The following LRRC49 variants were observed in gnomAD, a reference collection of about 807,000 sequenced individuals.
LRRC49 encodes the protein leucine rich repeat containing 49, also known as leucine-rich repeat-containing protein 49.
In LRRC49, 50 loss-of-function variants were observed where a neutral mutation model predicts 83.3. The observed-to-expected ratio is 0.60, with a 90% CI of 0.48 to 0.76. The LOEUF (loss-of-function observed/expected upper bound fraction) is 0.76. LRRC49 is among the 30% of genes least tolerant of loss of function. The probability of loss-of-function intolerance (pLI) is 0.00; values close to 1 mark genes in which losing one functional copy is unlikely to be tolerated. For missense variants in LRRC49, 704 were observed against 809.1 expected, an observed-to-expected ratio of 0.87 and a Z score of 1.58; for synonymous variants, 286 against 283.3, an observed-to-expected ratio of 1.01 and a Z score of -0.10.
At chr15:70,857,394 G>T (rs1041763051) in intron 1 of LRRC49, among the ~76,000 whole-genome samples, 1 of 152,162 alleles carries the variant, frequency 6.6e-6, no homozygotes, top group Admixed American at 6.5e-5. Context: ...TACTCGGGAG[G>T]CTGAGGCAGG....
At position 70,857,502 on chromosome 15, in the gene LRRC49, GA is replaced by G. The variant is rs111574256; in HGVS notation, c.-299+4042del. On this transcript the variant is annotated intron_variant, in intron 1 of 16. Coordinates refer to the LRRC49 transcript ENST00000544974. ...CAGAGACCCCATCTTCAAATTAAAG[GA>G]AAAAAAAAGGGGTCTGTTTTAACTG... is the stretch of plus-strand genomic sequence containing the variant. Among the ~76,000 whole-genome samples, 453 of 149,548 alleles carry G rather than the reference GA, an allele frequency of 3.0e-3. 1 individual carries two copies. The highest frequency in any genetic ancestry group is 6.9e-3 in the Middle Eastern group (2 of 288).
chr15:71,042,223 A>G (rs527687521), intron 15 of LRRC49, among the ~76,000 whole-genome samples: 1 of 152,308 alleles, frequency 6.6e-6, no homozygotes, highest in South Asian at 2.1e-4. Context: ...TCCTGGGCTC[A>G]AGAAATCCTC....
In LRRC49 at chr15:70,875,745, A is replaced by G. The variant is rs865785105; in HGVS notation, c.18+2522A>G. Among the ~76,000 whole-genome samples, 89 of 152,342 alleles carry G rather than the reference A, an allele frequency of 5.8e-4. 1 individual carries two copies. Among genetic ancestry groups the G allele is most frequent in the African/African-American group, 2.0e-3 (84 of 41,576 alleles). On this transcript the variant is annotated intron_variant, in intron 2 of 16. Coordinates refer to the LRRC49 transcript ENST00000544974. ...GGAGTAGACTCAGGCCCAGAGAGAT[A>G]ATGTAATTTATCTAAGTACACTATA...
upstream of LRRC49, chr15:70,891,997 C>A (rs1198099107): frequency 6.2e-7 from 1 of 1,613,068 alleles, no homozygotes; most frequent in Admixed American, 1.7e-5. Context: ...CCGGGGCGGG[C>A]ACCCGGTGCA....
intron 15 of LRRC49, among the ~76,000 whole-genome samples, chr15:71,039,311 G>T (rs1252579115): frequency 6.6e-6 from 1 of 152,146 alleles, no homozygotes; most frequent in Non-Finnish European, 1.5e-5. Flanking sequence ...GCCAATAGGG[G>T]TTTCCTAGTG....
At chr15:71,001,351 G>T (rs1281182710) in intron 11 of LRRC49, among the ~76,000 whole-genome samples, 1 of 152,084 alleles carries the variant, frequency 6.6e-6, no homozygotes, top group African/African-American at 2.4e-5. Context: ...GAGACCTTTT[G>T]CAGATCTTCA....
intron 14 of LRRC49, among the ~76,000 whole-genome samples, chr15:71,013,721 G>A (rs1472790924): frequency 6.6e-6 from 1 of 152,172 alleles, no homozygotes; most frequent in African/African-American, 2.4e-5. Flanking sequence ...GAGTAAGCAA[G>A]GAATTAGATA....
chr15:70,936,002 T>C (rs1380942798), intron 7 of LRRC49, among the ~76,000 whole-genome samples: 1 of 152,232 alleles, frequency 6.6e-6, no homozygotes, highest in Non-Finnish European at 1.5e-5. Context: ...TTTATGTCTT[T>C]TCATGAAATG....
chr15:70,893,868 GTT>G (rs772167690), intron 2 of LRRC49, among the ~76,000 whole-genome samples: 1 of 138,492 alleles, frequency 7.2e-6, no homozygotes, highest in Non-Finnish European at 1.6e-5. Flanking sequence ...GGGTTTTTTT[GTT>G]TTTTTTTTTT....
chr15:70,893,131 A>C, intron 1 of LRRC49, 189 bp downstream of exon 1: 1 of 649,988 alleles, frequency 1.5e-6, no homozygotes, highest in South Asian at 1.9e-5. Context: ...GGGTACTCAA[A>C]GTCTTGTCCA....
intron 11 of LRRC49, among the ~76,000 whole-genome samples, chr15:70,998,485 C>T (rs192603367): frequency 6.6e-6 from 1 of 151,926 alleles, no homozygotes; most frequent in African/African-American, 2.4e-5. Context: ...TTTCTTTCAG[C>T]ACTTTAAATA....
intron 15 of LRRC49, among the ~76,000 whole-genome samples, chr15:71,040,151 T>C (rs900124542): frequency 2.6e-5 from 4 of 152,214 alleles, no homozygotes; most frequent in Non-Finnish European, 5.9e-5. Context: ...AAAATCATGA[T>C]TATTTCTATA....
chr15:70,892,736 G>A (rs981537824), upstream of LRRC49: 9 of 1,516,426 alleles, frequency 5.9e-6, no homozygotes, highest in African/African-American at 1.2e-4. Flanking sequence ...CGACTGTGTG[G>A]CTCTATCGAT....
Position 70,872,151 on chromosome 15 carries a change from C to T in LRRC49, c.-298-757C>T, listed in dbSNP as rs566234441. Among the ~76,000 whole-genome samples the T allele has an allele frequency of 1.9e-3, 289 of 152,324 alleles. 1 individual carries two copies. Among genetic ancestry groups the T allele is most frequent in the South Asian group, 3.7e-3 (18 of 4,828 alleles). ...GACTCCGTCTGCAATCCTGGCACCT[C>T]GGGAGGCCGAAGCTGGCAGATCACT... On this transcript the variant is annotated intron_variant, in intron 1 of 16. Transcript: ENST00000544974.
At chr15:70,878,291 C>T (rs1332183345) in intron 2 of LRRC49, among the ~76,000 whole-genome samples, 1 of 152,004 alleles carries the variant, frequency 6.6e-6, no homozygotes, top group African/African-American at 2.4e-5. Flanking sequence ...GTTTGCTAAA[C>T]TGATTTATTG....
In LRRC49 at chr15:70,928,688, C is replaced by A. The variant is rs1032834158; in HGVS notation, c.712-8073C>A. Among the ~76,000 whole-genome samples the A allele has an allele frequency of 3.9e-5, 6 of 152,134 alleles. No homozygotes were observed. In the South Asian group the frequency reaches 8.3e-4, roughly 21 times the overall value. ...TCAAGTAATTCTCCTGCCTCAGCCT[C>A]CCGAGTAGCTGGGATTACAGATGTG... On this transcript the variant is annotated intron_variant, in intron 7 of 15. Transcript: ENST00000260382.
At chr15:71,048,078 ATTT>A (rs760450220) in intron 15 of LRRC49, among the ~76,000 whole-genome samples, 7 of 106,702 alleles carry the variant, frequency 6.6e-5, no homozygotes, top group Admixed American at 9.7e-5. Flanking sequence ...ACCGGGCCAA[ATTT>A]TTTTTTTTTT....
intron 9 of LRRC49, 143 bp downstream of exon 9, chr15:70,964,075 T>C (rs979561567): frequency 2.8e-6 from 2 of 716,900 alleles, no homozygotes; most frequent in East Asian, 3.2e-5. Context: ...ATTGCAATTA[T>C]GTAGTTTTTA....
At chr15:71,047,012 T>C (rs2039872559) in intron 15 of LRRC49, among the ~76,000 whole-genome samples, 1 of 152,166 alleles carries the variant, frequency 6.6e-6, no homozygotes, top group Non-Finnish European at 1.5e-5. Context: ...TGTGCAGCTT[T>C]ATTTCTGAGT....
Sources: allele counts gnomAD v4.1 joint callset (sites outside exome capture counted in the v4.1 genomes callset), GRCh38; gene constraint gnomAD v4.1.1; transcripts MANE v1.5; gene names NCBI Gene and HGNC (gene_info 2026-07-23, HGNC 2026-07-21).